The following HHAT variants were observed in gnomAD, a reference collection of about 807,000 sequenced individuals.
HHAT encodes the protein hedgehog acyltransferase, also known as protein-cysteine N-palmitoyltransferase HHAT.
A neutral mutation model predicts 70.8 loss-of-function variants in HHAT; 47 were observed. The observed-to-expected ratio is 0.66, with a 90% CI of 0.53 to 0.85. HHAT has a LOEUF of 0.85. HHAT is among the 40% of genes least tolerant of loss of function. The pLI, the probability that HHAT is intolerant of heterozygous loss-of-function variation, is 0.00. For synonymous variants in HHAT, 228 were observed against 247.6 expected, an observed-to-expected ratio of 0.92 and a Z score of 0.74; for missense variants, 609 against 604.8, an observed-to-expected ratio of 1.01 and a Z score of -0.07.
chr1:210,635,352 G>T (rs1671678141), intron 11 of HHAT, among the ~76,000 whole-genome samples: 1 of 152,220 alleles, frequency 6.6e-6, no homozygotes, highest in African/African-American at 2.4e-5. Context: ...GATCAGAGAA[G>T]CCCATACATG....
intron 8 of HHAT, among the ~76,000 whole-genome samples, chr1:210,510,937 A>G (rs2094942911): frequency 6.6e-6 from 1 of 152,088 alleles, no homozygotes; most frequent in Non-Finnish European, 1.5e-5. Context: ...CGCTAATGTA[A>G]TTGAAAAGGC....
At chr1:210,448,457 G>C (rs973721492) in intron 7 of HHAT, among the ~76,000 whole-genome samples, 1 of 152,146 alleles carries the variant, frequency 6.6e-6, no homozygotes, top group Non-Finnish European at 1.5e-5. Context: ...TAATAGTTTA[G>C]GGTAGACATA....
At chr1:210,600,941 G>A (rs189990402) in intron 10 of HHAT, among the ~76,000 whole-genome samples, 18 of 151,646 alleles carry the variant, frequency 1.2e-4, no homozygotes, top group East Asian at 9.7e-4. Flanking sequence ...CCTGGCCTCC[G>A]CCTCTTTGCC....
intron 3 of HHAT, among the ~76,000 whole-genome samples, chr1:210,377,729 C>T (rs1219570484): frequency 1.3e-5 from 2 of 152,166 alleles, no homozygotes; most frequent in African/African-American, 4.8e-5. Context: ...CTCTTTTCTT[C>T]TCCCACAAAA....
At chr1:210,604,551 G>A (rs949236474) in intron 10 of HHAT, among the ~76,000 whole-genome samples, 4 of 152,042 alleles carry the variant, frequency 2.6e-5, no homozygotes, top group African/African-American at 9.7e-5. Flanking sequence ...AACTCTTACT[G>A]GTGGTATTAT....
chr1:210,343,326 C>T (rs893801986), intron 1 of HHAT, among the ~76,000 whole-genome samples: 1 of 152,170 alleles, frequency 6.6e-6, no homozygotes, highest in Non-Finnish European at 1.5e-5. Flanking sequence ...TCTTCTTCCC[C>T]TGGCCCCTTC....
intron 3 of HHAT, among the ~76,000 whole-genome samples, chr1:210,381,749 G>A (rs2090654450): frequency 6.6e-6 from 1 of 152,160 alleles, no homozygotes; most frequent in East Asian, 1.9e-4. Flanking sequence ...TATTCAGCAG[G>A]TCATGGACTG....
At chr1:210,616,231 C>T (rs1416769706) in intron 10 of HHAT, among the ~76,000 whole-genome samples, 2 of 151,868 alleles carry the variant, frequency 1.3e-5, no homozygotes, top group Non-Finnish European at 2.9e-5. Flanking sequence ...AAGAATATGA[C>T]ATATTGTTAT....
chr1:210,473,540 G>A (rs1398688535), intron 8 of HHAT, among the ~76,000 whole-genome samples: 1 of 152,112 alleles, frequency 6.6e-6, no homozygotes, highest in Admixed American at 6.6e-5. Flanking sequence ...TCACTGACTG[G>A]GTGAATGGTG....
chr1:210,438,734 A>G (rs1026102215), intron 7 of HHAT, among the ~76,000 whole-genome samples: 9 of 151,942 alleles, frequency 5.9e-5, no homozygotes, highest in African/African-American at 7.3e-5. Flanking sequence ...ATTATTTGCC[A>G]GTTATATAAT....
chr1:210,536,087 G>T (rs1265025561), intron 9 of HHAT, among the ~76,000 whole-genome samples: 2 of 152,212 alleles, frequency 1.3e-5, no homozygotes, highest in Non-Finnish European at 1.5e-5. Context: ...CCTCAATGTG[G>T]TGGAATTCCT....
intron 9 of HHAT, among the ~76,000 whole-genome samples, chr1:210,572,020 G>A (rs966340044): frequency 2.6e-5 from 4 of 152,104 alleles, no homozygotes; most frequent in African/African-American, 9.7e-5. Flanking sequence ...AATGCTTACC[G>A]GCCCATTGTT....
rs1202562873 is a variant in HHAT at position 210,570,149 on chromosome 1, C to G, written c.1044-17749C>G. Reference sequence around the variant, plus strand: ...TGCTTTGTTCCTAGAAACTTGCACCCTGAAAGGGAGACATTTTACCTTAGC... The same window carrying G: ...TGCTTTGTTCCTAGAAACTTGCACCGTGAAAGGGAGACATTTTACCTTAGC... On this transcript the variant is annotated intron_variant, in intron 9 of 11. Transcript: ENST00000261458. Among the ~76,000 whole-genome samples, 6 of 152,288 alleles carry G rather than the reference C, an allele frequency of 3.9e-5. No homozygotes were observed. In the East Asian group the frequency reaches 9.7e-4, roughly 25 times the overall value.
At chr1:210,353,143 T>C (rs1298039428) in intron 2 of HHAT, among the ~76,000 whole-genome samples, 1 of 151,992 alleles carries the variant, frequency 6.6e-6, no homozygotes, top group East Asian at 1.9e-4. Flanking sequence ...ACCATGCTAG[T>C]CAAGCTGGTC....
chr1:210,505,151 G>A (rs902794542), intron 8 of HHAT, among the ~76,000 whole-genome samples: 1 of 152,000 alleles, frequency 6.6e-6, no homozygotes, highest in African/African-American at 2.4e-5. Context: ...CACCCGCCTC[G>A]GCCTCCCAAA....
intron 10 of HHAT, 128 bp from the exon 11 acceptor site, chr1:210,623,398 T>G (rs1431297624): frequency 2.9e-6 from 3 of 1,021,272 alleles, no homozygotes. Flanking sequence ...GAGAGCTGTT[T>G]AAATAATGAC....
chr1:210,469,884 T>C (rs2094170981), intron 8 of HHAT, among the ~76,000 whole-genome samples: 1 of 152,124 alleles, frequency 6.6e-6, no homozygotes, highest in Non-Finnish European at 1.5e-5. Context: ...TGCAGGTTTG[T>C]TATATAGGTA....
chr1:210,413,168 A>G (rs1353709672), intron 6 of HHAT, among the ~76,000 whole-genome samples: 1 of 152,230 alleles, frequency 6.6e-6, no homozygotes, highest in African/African-American at 2.4e-5. Flanking sequence ...ACCAATTTTA[A>G]TTGTAAAACA....
At chr1:210,602,579 A>G (rs960033162) in intron 10 of HHAT, among the ~76,000 whole-genome samples, 3 of 152,204 alleles carry the variant, frequency 2.0e-5, no homozygotes, top group Admixed American at 1.3e-4. Flanking sequence ...CATGGTTCCC[A>G]TAGAAAGGGA....
Sources: gnomAD v4.1 joint callset for allele counts (sites outside exome capture counted in the v4.1 genomes callset) on GRCh38, gnomAD v4.1.1 for gene constraint, MANE v1.5 for transcripts, NCBI Gene and HGNC (gene_info 2026-07-23, HGNC 2026-07-21) for gene names.